KLF17: variants seen among roughly 807,000 people sequenced by gnomAD.
KLF17 encodes the protein KLF transcription factor 17.
Under a neutral mutation model 34.2 loss-of-function variants are expected in KLF17, and 31 were observed. That is an observed-to-expected ratio of 0.91 (90% CI 0.68 to 1.22). The LOEUF (loss-of-function observed/expected upper bound fraction) is 1.22. KLF17 is among the 50% of genes most tolerant of loss of function. The probability of loss-of-function intolerance (pLI) is 0.00; values close to 1 mark genes in which losing one functional copy is unlikely to be tolerated. For synonymous variants in KLF17, 179 were observed against 186.7 expected, an observed-to-expected ratio of 0.96 and a Z score of 0.34; for missense variants, 478 against 505.2, an observed-to-expected ratio of 0.95 and a Z score of 0.52.
At chr1:44,057,936 C>T in the KLF17 span, among the ~76,000 whole-genome samples, 1 of 152,196 alleles carries the variant, frequency 6.6e-6, no homozygotes. Context: ...ACTCAGATGC[C>T]ACCATACAGG....
At chr1:44,121,034 A>G (rs12117628) in intron 1 of KLF17, among the ~76,000 whole-genome samples, 15,319 of 152,022 alleles carry the variant, frequency 0.1, 866 homozygotes, top group African/African-American at 0.15. Context: ...GATCTTCCCA[A>G]CTCTTCTAGA....
chr1:44,126,081 T>C (rs1297661573), intron 1 of KLF17, among the ~76,000 whole-genome samples: 1 of 152,100 alleles, frequency 6.6e-6, no homozygotes, highest in Non-Finnish European at 1.5e-5. Flanking sequence ...TGGAGTGCAG[T>C]GGCATGATCT....
At chr1:44,059,784 T>C in the KLF17 span, among the ~76,000 whole-genome samples, 3 of 151,950 alleles carry the variant, frequency 2.0e-5, no homozygotes, top group Non-Finnish European at 2.9e-5. Flanking sequence ...TTCCCTGTGA[T>C]ACTCTGATCC....
the KLF17 span, among the ~76,000 whole-genome samples, chr1:44,102,852 C>G: frequency 7.5e-6 from 1 of 133,240 alleles, no homozygotes; most frequent in Non-Finnish European, 1.7e-5. Context: ...CTAAAACTGC[C>G]ATAAAAAAAT....
the KLF17 span, among the ~76,000 whole-genome samples, chr1:44,073,706 T>C: frequency 1.1e-4 from 17 of 152,080 alleles, no homozygotes; most frequent in Non-Finnish European, 2.1e-4. Flanking sequence ...TGAGCACTGC[T>C]GCACTCCCCT....
chr1:44,107,979 T>A, the KLF17 span, among the ~76,000 whole-genome samples: 1 of 152,182 alleles, frequency 6.6e-6, no homozygotes, highest in Non-Finnish European at 1.5e-5. Flanking sequence ...GTATATTGAA[T>A]GACTAGAAGA....
the KLF17 span, among the ~76,000 whole-genome samples, chr1:44,108,648 C>T: frequency 3.3e-5 from 4 of 121,474 alleles, no homozygotes; most frequent in African/African-American, 1.2e-4. Flanking sequence ...CAGAGAATCT[C>T]GTTTGTTAGC....
the KLF17 span, chr1:44,047,963 T>A: frequency 6.6e-6 from 1 of 151,516 alleles, no homozygotes; most frequent in Non-Finnish European, 1.5e-5. Context: ...GCATCCAGAG[T>A]GTTTGGAGAG....
chr1:44,073,531 A>G, the KLF17 span, among the ~76,000 whole-genome samples: 3 of 151,026 alleles, frequency 2.0e-5, no homozygotes, highest in Non-Finnish European at 2.9e-5. Flanking sequence ...TTTCAAGGAT[A>G]TGGTAAATAA....
Position 44,129,338 on chromosome 1 carries a change from C to G in KLF17, c.82-15C>G. 1 of 1,504,912 alleles carries G rather than the reference C, an allele frequency of 6.6e-7. No individual in the cohort carries two copies. Among genetic ancestry groups the G allele is most frequent in the Non-Finnish European group, 8.9e-7 (1 of 1,127,230 alleles). The allele number at this position is 1,504,912 out of a possible 1,614,324, so 93.2% of individuals were successfully genotyped here. A position where few individuals can be genotyped will look rare whatever the true frequency, so the allele number is the denominator to read the frequency against. The stretch of plus-strand genomic sequence containing the variant: ...TGGAATTTGAGCAAAAATCACCTGA[C>G]TCTTTTTCCCCAAGGATAACGAGAA... On this transcript the variant is annotated splice_polypyrimidine_tract_variant and intron_variant, in intron 1 of 3. Coordinates refer to ENST00000372299, the MANE Select transcript of KLF17 (RefSeq NM_173484.4).
the KLF17 span, among the ~76,000 whole-genome samples, chr1:44,109,035 AAAG>A: frequency 1.3e-5 from 2 of 152,140 alleles, no homozygotes; most frequent in Non-Finnish European, 2.9e-5. Flanking sequence ...TTTGTGCCCA[AAAG>A]AAGGAGAAGA....
the KLF17 span, among the ~76,000 whole-genome samples, chr1:44,087,724 T>TTATATA: frequency 5.3e-5 from 4 of 75,640 alleles, no homozygotes; most frequent in Non-Finnish European, 8.1e-5. Flanking sequence ...CCTATATATT[T>TTATATA]TATATATATA....
the KLF17 span, among the ~76,000 whole-genome samples, chr1:44,100,715 G>A: frequency 6.6e-6 from 1 of 151,892 alleles, no homozygotes; most frequent in Non-Finnish European, 1.5e-5. Context: ...GAGTGCAGTG[G>A]CGCAATCTCC....
chr1:44,101,997 T>C, the KLF17 span, among the ~76,000 whole-genome samples: 1 of 151,948 alleles, frequency 6.6e-6, no homozygotes, highest in East Asian at 2.0e-4. Context: ...GGGGCTGCAG[T>C]GAGCAGCCTC....
At position 44,129,334 on chromosome 1, in the gene KLF17, C is replaced by A; in HGVS notation, c.82-19C>A. On this transcript the variant is annotated intron_variant, in intron 1 of 3. Transcript: ENST00000372299. ...GAACTGGAATTTGAGCAAAAATCAC[C>A]TGACTCTTTTTCCCCAAGGATAACG... The A allele has an allele frequency of 6.6e-7, 1 of 1,504,402 alleles. No individual in the cohort carries two copies. The highest frequency in any genetic ancestry group is 8.9e-7 in the Non-Finnish European group (1 of 1,126,986). 93.2% of individuals were successfully genotyped at this position (1,504,402 alleles called of 1,614,324 possible).
chr1:44,126,881 C>A (rs2088013954), intron 1 of KLF17, among the ~76,000 whole-genome samples: 1 of 151,662 alleles, frequency 6.6e-6, no homozygotes, highest in Admixed American at 6.6e-5. Flanking sequence ...AGAATATTTC[C>A]TATTTAAATT....
the KLF17 span, among the ~76,000 whole-genome samples, chr1:44,100,115 C>CAA: frequency 6.6e-5 from 9 of 135,424 alleles, no homozygotes; most frequent in Non-Finnish European, 9.6e-5. Context: ...CACACACACA[C>CAA]AAATTAGCTG....
At chr1:44,099,385 C>G in the KLF17 span, among the ~76,000 whole-genome samples, 2 of 152,164 alleles carry the variant, frequency 1.3e-5, no homozygotes, top group East Asian at 3.9e-4. Context: ...GCCTGCATGA[C>G]AGAGCAAGAC....
At chr1:44,133,112 C>T (rs2088131274) in intron 3 of KLF17, 126 bp from the exon 4 acceptor site, 1 of 152,248 alleles carries the variant, frequency 6.6e-6, no homozygotes, top group African/African-American at 2.4e-5. Flanking sequence ...CACCTCGGTA[C>T]AGTAGCCATG....
Sources: gnomAD v4.1 joint callset for allele counts (sites outside exome capture counted in the v4.1 genomes callset) on GRCh38, gnomAD v4.1.1 for gene constraint, MANE v1.5 for transcripts, NCBI Gene and HGNC (gene_info 2026-07-23, HGNC 2026-07-21) for gene names.